Variants in PRELID2 observed in about 807,000 individuals in gnomAD.
PRELID2 encodes PRELI domain containing 2.
Under a neutral mutation model 28.4 loss-of-function variants are expected in PRELID2, and 25 were observed. That is an observed-to-expected ratio of 0.88 (90% CI 0.64 to 1.23). The LOEUF (loss-of-function observed/expected upper bound fraction) is 1.23, where lower values mean the gene tolerates loss of function less well. PRELID2 is among the 50% of genes most tolerant of loss of function. The probability of loss-of-function intolerance (pLI) is 0.00; values close to 1 mark genes in which losing one functional copy is unlikely to be tolerated. For synonymous variants in PRELID2, 76 were observed against 71.6 expected (o/e 1.06, Z -0.31); for missense variants, 201 against 214.4 (o/e 0.94, Z 0.39).
At chr5:145,615,414 C>T (rs1184757400) in intron 1 of PRELID2, among the ~76,000 whole-genome samples, 1 of 131,786 alleles carries the variant, frequency 7.6e-6, no homozygotes, top group Non-Finnish European at 1.6e-5. Flanking sequence ...CAGGCTCCGC[C>T]CCCTGGGGTT....
At chr5:145,250,313 T>C in the PRELID2 span, among the ~76,000 whole-genome samples, 1 of 152,152 alleles carries the variant, frequency 6.6e-6, no homozygotes, top group Non-Finnish European at 1.5e-5. Flanking sequence ...ATGAGTATTT[T>C]ATAGTCAGCA....
the PRELID2 span, among the ~76,000 whole-genome samples, chr5:145,417,391 C>A: frequency 6.6e-6 from 1 of 152,148 alleles, no homozygotes; most frequent in East Asian, 1.9e-4. Context: ...CTCTGTAACT[C>A]ATTCTATGAG....
At chr5:145,831,781 TTTCCCAGTTCTGCCC>T (rs1288580124) in intron 1 of PRELID2, among the ~76,000 whole-genome samples, 5 of 152,100 alleles carry the variant, frequency 3.3e-5, no homozygotes, top group African/African-American at 1.2e-4. Flanking sequence ...CCCAGTTCTG[TTTCCCAGTTCTGCCC>T]TTCCCAGTTC....
intron 1 of PRELID2, among the ~76,000 whole-genome samples, chr5:145,493,344 CA>C (rs1171885657): frequency 1.3e-5 from 2 of 152,124 alleles, no homozygotes; most frequent in African/African-American, 4.8e-5. Context: ...CCTTTATCTC[CA>C]AAGTCCCCAT....
At chr5:145,511,225 T>G (rs1182439755) in intron 1 of PRELID2, among the ~76,000 whole-genome samples, 1 of 152,220 alleles carries the variant, frequency 6.6e-6, no homozygotes, top group Non-Finnish European at 1.5e-5. Flanking sequence ...GTGATGATCT[T>G]CAAGAAATGC....
intron 1 of PRELID2, among the ~76,000 whole-genome samples, chr5:145,526,853 A>G (rs1227716351): frequency 6.6e-6 from 1 of 152,178 alleles, no homozygotes; most frequent in Non-Finnish European, 1.5e-5. Context: ...TCTCTTTGGG[A>G]GAAGTCTTTA....
At chr5:145,257,719 GT>G in the PRELID2 span, among the ~76,000 whole-genome samples, 1 of 152,286 alleles carries the variant, frequency 6.6e-6, no homozygotes, top group South Asian at 2.1e-4. Context: ...TCAAGATGAA[GT>G]TTATTATCAG....
chr5:145,452,059 A>G, the PRELID2 span, among the ~76,000 whole-genome samples: 1 of 152,164 alleles, frequency 6.6e-6, no homozygotes, highest in Non-Finnish European at 1.5e-5. Context: ...ATATCTTGCT[A>G]TATGCATGCA....
At chr5:145,356,729 CT>C in the PRELID2 span, among the ~76,000 whole-genome samples, 1 of 152,018 alleles carries the variant, frequency 6.6e-6, no homozygotes, top group African/African-American at 2.4e-5. Context: ...CACTCTGTGC[CT>C]TTTAATTGGG....
rs988942326 is a variant in PRELID2, at chr5:145,760,225, T to A, written c.*311A>T. The A allele has an allele frequency of 5.9e-5, 9 of 152,152 alleles. No individual in the cohort carries two copies. The highest frequency in any genetic ancestry group is 2.2e-4 in the African/African-American group (9 of 41,426). The allele number at this position is 152,152 out of a possible 1,614,324, so 9.4% of individuals were successfully genotyped here. A position where few individuals can be genotyped will look rare whatever the true frequency, so the allele number is the denominator to read the frequency against. Reference sequence around the variant, plus strand: ...TCATCAGACAACCAGCAGAACACCCTGAGGAAGGGCACACATATCTTACAT... The same window carrying A: ...TCATCAGACAACCAGCAGAACACCCAGAGGAAGGGCACACATATCTTACAT... On this transcript the variant is annotated 3_prime_UTR_variant, in exon 7 of 7. Coordinates refer to ENST00000683046, the MANE Select transcript of PRELID2 (RefSeq NM_205846.3).
chr5:145,643,150 A>G (rs1238703129), intron 1 of PRELID2, among the ~76,000 whole-genome samples: 1 of 152,214 alleles, frequency 6.6e-6, no homozygotes, highest in Non-Finnish European at 1.5e-5. Flanking sequence ...ATACATGAGC[A>G]TGGAATGTTT....
rs143157647 is a variant in PRELID2 at position 145,527,481 on chromosome 5, G to A, written n.71-54166C>T. Among the ~76,000 whole-genome samples the A allele has an allele frequency of 2.1e-3, 315 of 152,060 alleles. 1 individual carries two copies. The highest frequency in any genetic ancestry group is 7.1e-3 in the African/African-American group (296 of 41,496). On this transcript the variant is annotated intron_variant and non_coding_transcript_variant, in intron 1 of 2. Transcript: ENST00000510259. ...ATCTACAGTTATCTCAAAATAAAAA[G>A]GTTTTAAAAAACAAAATAATCTTAC...
chr5:145,821,400 G>C (rs1249322317), intron 2 of PRELID2, among the ~76,000 whole-genome samples: 1 of 151,946 alleles, frequency 6.6e-6, no homozygotes, highest in Non-Finnish European at 1.5e-5. Flanking sequence ...GCTCATACCT[G>C]ACTAGCTACC....
At chr5:145,364,439 T>C in the PRELID2 span, among the ~76,000 whole-genome samples, 3 of 152,008 alleles carry the variant, frequency 2.0e-5, no homozygotes, top group Non-Finnish European at 2.9e-5. Context: ...AAATCATCTG[T>C]CATATTTTCC....
intron 6 of PRELID2, among the ~76,000 whole-genome samples, chr5:145,761,687 T>C (rs1438561811): frequency 2.0e-5 from 3 of 152,218 alleles, no homozygotes; most frequent in African/African-American, 4.8e-5. Flanking sequence ...AGTTGTAGCT[T>C]TGAACATAGT....
chr5:145,644,494 G>A (rs920115038), intron 1 of PRELID2, among the ~76,000 whole-genome samples: 1 of 151,746 alleles, frequency 6.6e-6, no homozygotes, highest in African/African-American at 2.4e-5. Flanking sequence ...TTTTGGAAGG[G>A]TTTTTCATGT....
At chr5:145,353,392 G>C in the PRELID2 span, among the ~76,000 whole-genome samples, 1 of 151,966 alleles carries the variant, frequency 6.6e-6, no homozygotes. Context: ...GAACCCAGGA[G>C]CCAGAGGTTG....
intron 1 of PRELID2, among the ~76,000 whole-genome samples, chr5:145,509,330 G>T (rs1262997720): frequency 6.6e-6 from 1 of 152,202 alleles, no homozygotes; most frequent in Admixed American, 6.5e-5. Context: ...AAGTGGTAGA[G>T]CCAGGAATAA....
intron 1 of PRELID2, among the ~76,000 whole-genome samples, chr5:145,554,080 A>C (rs1041178589): frequency 3.3e-5 from 5 of 152,228 alleles, no homozygotes; most frequent in African/African-American, 1.2e-4. Flanking sequence ...CTATATGCCA[A>C]ACAAATGAAA....
Sources: gnomAD v4.1 joint callset for allele counts (sites outside exome capture counted in the v4.1 genomes callset) on GRCh38, gnomAD v4.1.1 for gene constraint, MANE v1.5 for transcripts, NCBI Gene and HGNC (gene_info 2026-07-23, HGNC 2026-07-21) for gene names.